The following STK32B variants were observed in gnomAD, a reference collection of about 807,000 sequenced individuals.
STK32B encodes the protein serine/threonine-protein kinase 32B.
STK32B carries 43 observed loss-of-function variants against 52.6 expected under a neutral mutation model. The ratio of observed to expected loss-of-function variants is 0.82; its 90% CI spans 0.64 to 1.05. The LOEUF is 1.05. Among genes scored for constraint, STK32B ranks in the 50% least tolerant of loss-of-function variants. The pLI, the probability that STK32B is intolerant of heterozygous loss-of-function variation, is 0.00. For synonymous variants in STK32B, 238 were observed against 204.3 expected, an observed-to-expected ratio of 1.17 and a Z score of -1.41; for missense variants, 621 against 534.6, an observed-to-expected ratio of 1.16 and a Z score of -1.59.
intron 3 of STK32B, among the ~76,000 whole-genome samples, chr4:5,258,550 C>T (rs754189883): frequency 1.9e-4 from 29 of 152,152 alleles, no homozygotes; most frequent in Non-Finnish European, 4.0e-4. Context: ...CCATTCTCCC[C>T]AGTGTGAGCC....
chr4:5,349,949 TA>T (rs1733721359), intron 4 of STK32B, among the ~76,000 whole-genome samples: 2 of 151,992 alleles, frequency 1.3e-5, no homozygotes, highest in African/African-American at 2.4e-5. Context: ...GATAAAAGAA[TA>T]AAAAATAATG....
intron 1 of STK32B, among the ~76,000 whole-genome samples, chr4:5,096,567 T>C (rs1315919870): frequency 2.0e-5 from 3 of 152,166 alleles, no homozygotes; most frequent in African/African-American, 7.2e-5. Context: ...GGCTACATTA[T>C]TTCTAGATCT....
At chr4:5,445,489 A>G (rs1046651027) in intron 6 of STK32B, among the ~76,000 whole-genome samples, 1 of 152,116 alleles carries the variant, frequency 6.6e-6, no homozygotes, top group African/African-American at 2.4e-5. Context: ...ATTAGACCCT[A>G]CAATGCACTC....
At chr4:5,045,912 T>G in the STK32B span, among the ~76,000 whole-genome samples, 1 of 152,232 alleles carries the variant, frequency 6.6e-6, no homozygotes, top group Non-Finnish European at 1.5e-5. Flanking sequence ...TTCTCTTGCC[T>G]GATTGCCCTG....
chr4:5,050,793 A>G (rs1161195451), upstream of STK32B, among the ~76,000 whole-genome samples: 1 of 152,074 alleles, frequency 6.6e-6, no homozygotes, highest in Non-Finnish European at 1.5e-5. Context: ...TGTGGCGCGT[A>G]TCTCCCGATC....
At chr4:5,301,804 C>G (rs1487509951) in intron 3 of STK32B, among the ~76,000 whole-genome samples, 2 of 145,092 alleles carry the variant, frequency 1.4e-5, no homozygotes, top group Non-Finnish European at 3.0e-5. Flanking sequence ...AGAAAATGCT[C>G]TAATCTTTGT....
chr4:5,144,784 TCATCCATCCATCCATC>T lies in STK32B; in HGVS notation c.108+4859_108+4874del, dbSNP rs112099943. On this transcript the variant is annotated intron_variant, in intron 2 of 11. Transcript: ENST00000282908. Reference sequence around the variant, plus strand: ...TTCATTTGTTAATTCACTCATTCACTCATCCATCCATCCATCCATCCATCCATCCATCCATCCATCC... The same window carrying T: ...TTCATTTGTTAATTCACTCATTCACTCATCCATCCATCCATCCATCCATCC... Among the ~76,000 whole-genome samples the T allele has an allele frequency of 9.8e-3, 940 of 95,692 alleles. 14 individuals are homozygous for T. Among genetic ancestry groups the T allele is most frequent in the African/African-American group, 0.027 (785 of 28,992 alleles). The allele number at this position is 95,692 out of a possible 152,430, so 62.8% of individuals were successfully genotyped here.
At chr4:5,071,143 T>G (rs570744789) in intron 1 of STK32B, among the ~76,000 whole-genome samples, 13 of 152,234 alleles carry the variant, frequency 8.5e-5, no homozygotes, top group South Asian at 2.1e-4. Flanking sequence ...ATGGTTTTAA[T>G]ATGGGGAGTG....
intron 11 of STK32B, among the ~76,000 whole-genome samples, chr4:5,475,086 C>T (rs1718134270): frequency 6.6e-6 from 1 of 152,054 alleles, no homozygotes; most frequent in South Asian, 2.1e-4. Context: ...AATAGTGCCA[C>T]AAAACTCACA....
At chr4:5,076,881 T>C (rs1449491523) in intron 1 of STK32B, among the ~76,000 whole-genome samples, 1 of 152,188 alleles carries the variant, frequency 6.6e-6, no homozygotes, top group Non-Finnish European at 1.5e-5. Flanking sequence ...TATTCCATCA[T>C]TGTAAAATTT....
intron 3 of STK32B, among the ~76,000 whole-genome samples, chr4:5,174,032 A>G (rs1282449833): frequency 6.6e-6 from 1 of 152,088 alleles, no homozygotes; most frequent in Non-Finnish European, 1.5e-5. Flanking sequence ...TTCTTGTTGA[A>G]TTGATCCCTT....
intron 1 of STK32B, among the ~76,000 whole-genome samples, chr4:5,110,392 A>G (rs1036338046): frequency 6.6e-6 from 1 of 152,142 alleles, no homozygotes; most frequent in Non-Finnish European, 1.5e-5. Context: ...CTAAAACATC[A>G]TGGTACTGGC....
chr4:5,264,512 C>T (rs935976435), intron 3 of STK32B, among the ~76,000 whole-genome samples: 6 of 152,114 alleles, frequency 3.9e-5, no homozygotes, highest in East Asian at 3.9e-4. Flanking sequence ...TGTGACTGGG[C>T]GCGGTGGCTC....
intron 2 of STK32B, among the ~76,000 whole-genome samples, chr4:5,149,831 G>GA (rs1397204265): frequency 1.3e-5 from 2 of 151,792 alleles, no homozygotes; most frequent in Non-Finnish European, 2.9e-5. Context: ...TATTTTTAAG[G>GA]AAAATCTAGG....
At chr4:5,019,387 G>T in the STK32B span, 1 of 1,497,044 alleles carries the variant, frequency 6.7e-7, no homozygotes, top group Non-Finnish European at 8.8e-7. Flanking sequence ...AGTGGGCCGC[G>T]CGGCGGGGGC....
rs572699448 is a variant in STK32B, at chr4:5,181,478, A to G, written c.260+13028A>G. Among the ~76,000 whole-genome samples, 8 of 152,266 alleles carry G rather than the reference A, an allele frequency of 5.3e-5. No homozygotes were observed. The East Asian group carries it at 5.8e-4, about 11-fold the overall frequency. On this transcript the variant is annotated intron_variant, in intron 3 of 11. Coordinates refer to ENST00000282908, the MANE Select transcript of STK32B (RefSeq NM_018401.3). ...AAATTTCTATTGCTGGAGGCCCCCA[A>G]TCTATGGTTTTATGTATGGTAACCT...
chr4:5,136,657 A>G (rs901387226), intron 1 of STK32B, among the ~76,000 whole-genome samples: 2 of 152,132 alleles, frequency 1.3e-5, no homozygotes, highest in African/African-American at 4.8e-5. Flanking sequence ...CCCCCAGCCA[A>G]TTCTTCCTAC....
At chr4:5,316,883 T>C (rs561408755) in intron 3 of STK32B, among the ~76,000 whole-genome samples, 66 of 2,896 alleles carry the variant, frequency 0.023, 4 homozygotes, top group African/African-American at 0.097. Context: ...TATAATATAT[T>C]ATATATATTA....
chr4:5,281,907 A>G (rs1310707402), intron 3 of STK32B, among the ~76,000 whole-genome samples: 2 of 151,946 alleles, frequency 1.3e-5, no homozygotes, highest in African/African-American at 2.4e-5. Flanking sequence ...TATGTTACAT[A>G]TTTTTTCTAT....
Sources: gnomAD v4.1 joint callset for allele counts (sites outside exome capture counted in the v4.1 genomes callset) on GRCh38, gnomAD v4.1.1 for gene constraint, MANE v1.5 for transcripts, NCBI Gene and HGNC (gene_info 2026-07-23, HGNC 2026-07-21) for gene names.